Variants in ZC3H12B observed in about 807,000 individuals in gnomAD.
The protein encoded by ZC3H12B is zinc finger CCCH-type containing 12B.
In ZC3H12B, 7 loss-of-function variants were observed where a neutral mutation model predicts 43.9. The observed-to-expected ratio is 0.16, with a 90% CI of 0.09 to 0.30. The LOEUF (loss-of-function observed/expected upper bound fraction) is 0.30. Ranked by LOEUF, ZC3H12B falls within the 10% of genes least tolerant of loss-of-function variation. The probability of loss-of-function intolerance (pLI) is 1.00; values close to 1 mark genes in which losing one functional copy is unlikely to be tolerated. For synonymous variants in ZC3H12B, 222 were observed against 241.7 expected (o/e 0.92, Z 0.76); for missense variants, 475 against 670.2 (o/e 0.71, Z 3.22).
the ZC3H12B span, among the ~76,000 whole-genome samples, chrX:65,326,854 G>A: frequency 3.6e-5 from 4 of 110,864 alleles, no homozygotes; most frequent in Admixed American, 9.6e-5. Context: ...ACATACAGAT[G>A]GCCCACAGAT....
chrX:65,252,996 T>A, the ZC3H12B span, among the ~76,000 whole-genome samples: 1 of 112,099 alleles, frequency 8.9e-6, no homozygotes, highest in Non-Finnish European at 1.9e-5. Context: ...AATTAGTAAA[T>A]TGATTTGGAA....
intron 3 of ZC3H12B, among the ~76,000 whole-genome samples, chrX:65,436,884 G>T (rs184480929): frequency 9.0e-6 from 1 of 110,818 alleles, no homozygotes; most frequent in South Asian, 3.9e-4. Flanking sequence ...TACAACAAAT[G>T]GTTATTGGCT....
At chrX:65,351,133 A>G in the ZC3H12B span, among the ~76,000 whole-genome samples, 1 of 111,699 alleles carries the variant, frequency 9.0e-6, no homozygotes, top group African/African-American at 3.3e-5. Flanking sequence ...TATATAGACA[A>G]ATGGAACAGA....
At chrX:65,040,780 T>C in the ZC3H12B span, among the ~76,000 whole-genome samples, 1 of 111,421 alleles carries the variant, frequency 9.0e-6, no homozygotes, top group African/African-American at 3.3e-5. Context: ...AGTTCTTTTG[T>C]TTTGTTTTGG....
chrX:65,477,093 C>A (rs1201805504), intron 3 of ZC3H12B, among the ~76,000 whole-genome samples: 2 of 107,928 alleles, frequency 1.9e-5, no homozygotes, highest in African/African-American at 6.8e-5. Flanking sequence ...TTCAGACTCC[C>A]AAAGTGCTGG....
At chrX:65,357,433 G>A in the ZC3H12B span, 13 of 158,457 alleles carry the variant, frequency 8.2e-5, no homozygotes, top group South Asian at 1.8e-3. Flanking sequence ...GGCACCCACT[G>A]CCCATGAGAG....
chrX:65,395,503 G>A (rs2066684801), intron 2 of ZC3H12B, among the ~76,000 whole-genome samples: 1 of 112,443 alleles, frequency 8.9e-6, no homozygotes, highest in Admixed American at 9.4e-5. Context: ...ATGTGATGGA[G>A]TACATTTATT....
At chrX:65,408,691 T>C (rs1473726719) in intron 3 of ZC3H12B, 15 of 872,191 alleles carry the variant, frequency 1.7e-5, no homozygotes, top group Non-Finnish European at 2.5e-5. Context: ...ATTAGGACTT[T>C]GTCCTCATAC....
the ZC3H12B span, among the ~76,000 whole-genome samples, chrX:65,355,715 G>A: frequency 2.7e-5 from 3 of 111,803 alleles, no homozygotes; most frequent in Non-Finnish European, 5.6e-5. Context: ...GAACATGCCT[G>A]TAATTCTAGC....
chrX:65,419,347 G>A (rs181056864), intron 3 of ZC3H12B, among the ~76,000 whole-genome samples: 4 of 111,875 alleles, frequency 3.6e-5, no homozygotes, highest in Admixed American at 1.9e-4. Context: ...GTGGTGATTC[G>A]CATTACATCC....
the ZC3H12B span, among the ~76,000 whole-genome samples, chrX:65,230,406 GA>G: frequency 9.2e-6 from 1 of 108,823 alleles, no homozygotes; most frequent in Non-Finnish European, 1.9e-5. Context: ...AAGGGGGAGG[GA>G]TAGCATTAGG....
At chrX:65,097,320 G>A in the ZC3H12B span, among the ~76,000 whole-genome samples, 2 of 111,533 alleles carry the variant, frequency 1.8e-5, no homozygotes, top group East Asian at 2.8e-4. Context: ...GTTTTATTGG[G>A]TTCATGCTGG....
At chrX:65,483,560 G>A (rs192513319) in intron 3 of ZC3H12B, among the ~76,000 whole-genome samples, 114 of 111,453 alleles carry the variant, frequency 1.0e-3, no homozygotes, top group Middle Eastern at 4.6e-3. Context: ...ACCGGGGATT[G>A]GAGATGGGCT....
the ZC3H12B span, among the ~76,000 whole-genome samples, chrX:65,119,012 G>A: frequency 9.0e-6 from 1 of 110,848 alleles, no homozygotes; most frequent in African/African-American, 3.3e-5. Flanking sequence ...GTATTCCATG[G>A]TGTATATGTG....
chrX:65,289,395 T>C, the ZC3H12B span, among the ~76,000 whole-genome samples: 9 of 109,953 alleles, frequency 8.2e-5, no homozygotes, highest in South Asian at 3.1e-3. Context: ...TCAGATACTA[T>C]ACCCACTTCC....
At chrX:65,167,000 C>A in the ZC3H12B span, among the ~76,000 whole-genome samples, 1 of 111,862 alleles carries the variant, frequency 8.9e-6, no homozygotes, top group Non-Finnish European at 1.9e-5. Context: ...GTTGCCTGTT[C>A]ACTCTGGTCG....
chrX:65,068,576 G>T, the ZC3H12B span, among the ~76,000 whole-genome samples: 1 of 111,536 alleles, frequency 9.0e-6, no homozygotes, highest in African/African-American at 3.3e-5. Context: ...TGTACTGTCC[G>T]TGTCTTAAAA....
chrX:65,276,742 A>G, the ZC3H12B span, among the ~76,000 whole-genome samples: 1 of 111,925 alleles, frequency 8.9e-6, no homozygotes, highest in Non-Finnish European at 1.9e-5. Flanking sequence ...GGTAGAGCTG[A>G]ACACAAAGGA....
At chrX:65,372,808 T>C (rs974022668) in intron 2 of ZC3H12B, among the ~76,000 whole-genome samples, 1 of 112,422 alleles carries the variant, frequency 8.9e-6, no homozygotes, top group Non-Finnish European at 1.9e-5. Context: ...CAAGGTCAGA[T>C]AGGAATCAAA....
Sources: gnomAD v4.1 joint callset for allele counts (sites outside exome capture counted in the v4.1 genomes callset) on GRCh38, gnomAD v4.1.1 for gene constraint, MANE v1.5 for transcripts, NCBI Gene and HGNC (gene_info 2026-07-23, HGNC 2026-07-21) for gene names.